The following RADIL variants were observed in gnomAD, a reference collection of about 807,000 sequenced individuals.
RADIL encodes the protein Rap associating with DIL domain.
Under a neutral mutation model 97.6 loss-of-function variants are expected in RADIL, and 99 were observed. That is an observed-to-expected ratio of 1.01 (90% CI 0.86 to 1.20). The LOEUF (loss-of-function observed/expected upper bound fraction) is 1.20. RADIL is among the 50% of genes most tolerant of loss of function. The pLI is 0.00. For missense variants in RADIL, 1,765 were observed against 1,498.9 expected (o/e 1.18, Z -2.93); for synonymous variants, 803 against 691.8 (o/e 1.16, Z -2.52).
At chr7:4,808,883 C>G (rs1583269074) in intron 9 of RADIL, 28 of 931,544 alleles carry the variant, frequency 3.0e-5, no homozygotes, top group Non-Finnish European at 3.5e-5. Flanking sequence ...CCTTCCAACG[C>G]CACTGCCCCC....
intron 2 of RADIL, among the ~76,000 whole-genome samples, chr7:4,868,304 C>T (rs553975427): frequency 5.3e-5 from 8 of 152,308 alleles, no homozygotes; most frequent in African/African-American, 1.4e-4. Flanking sequence ...CCTCGTGATC[C>T]GCCCGCCTCG....
chr7:4,875,870 T>A (rs530179377), intron 2 of RADIL, among the ~76,000 whole-genome samples: 16 of 151,970 alleles, frequency 1.1e-4, no homozygotes, highest in Middle Eastern at 6.8e-3. Context: ...CATGGCAGGG[T>A]CAGGATGAAA....
intron 2 of RADIL, among the ~76,000 whole-genome samples, chr7:4,870,523 G>C (rs1412458650): frequency 2.0e-5 from 3 of 152,052 alleles, no homozygotes. Context: ...CTCATTGCAA[G>C]CTCCACCTCC....
chr7:4,815,406 A>G lies in RADIL; in HGVS notation c.2011T>C (p.Cys671Arg), dbSNP rs1224941882. 3 of 1,560,622 alleles carry G rather than the reference A, an allele frequency of 1.9e-6. No individual in the cohort carries two copies. The highest frequency in any genetic ancestry group is 2.6e-6 in the Non-Finnish European group (3 of 1,151,980). Residue 671 changes from cysteine (C) to arginine (R), a missense_variant, in exon 9 of 15, where the codon TGC becomes CGC. Physicochemically the swap from Cys to Arg is radical, Grantham distance 180. Transcript: ENST00000399583. The surrounding 1 kb of genome is among the most constrained non-coding windows in gnomAD (Gnocchi z 8.0). ...TCCAGGAGCTGCTGCAGGCGGGCGC[A>G]GGCCTGGACACCTCTGGGCCAGTGG... is the stretch of plus-strand genomic sequence containing the variant. ...CFHWPRGVQA[C>R]ARLQQLLEWM...
In RADIL at chr7:4,873,040, C is replaced by T. The variant is rs13244874; in HGVS notation, c.535+4565G>A. 1.1e-3 allele frequency among the ~76,000 whole-genome samples: 170 copies of T among 152,304 alleles called. 1 individual carries two copies. Among genetic ancestry groups the T allele is most frequent in the Non-Finnish European group, 2.1e-3 (144 of 68,016 alleles). On this transcript the variant is annotated intron_variant, in intron 2 of 14. Transcript: ENST00000399583. This position sits in a 1 kb window ranked among gnomAD's most constrained non-coding sequence, Gnocchi z 4.3. ...GCAACCTCCGCCTCCTGGGTTCAAG[C>T]GATTCTCTGCCTCCCAAGTAGCTGG...
rs1783252018 is a variant in RADIL, at chr7:4,834,902, GC to G, written c.1120del (p.Ala374LeufsTer49). The G allele has an allele frequency of 1.3e-6, 2 of 1,514,942 alleles. No homozygotes were observed. The highest frequency in any genetic ancestry group is 2.1e-5 in the Admixed American group (1 of 48,110). The allele number at this position is 1,514,942 out of a possible 1,614,324, so 93.8% of individuals were successfully genotyped here. On this transcript the variant is annotated frameshift_variant, in exon 4 of 15. Transcript: ENST00000399583. LOFTEE classifies it high-confidence loss of function. This position sits in a 1 kb window ranked among gnomAD's most constrained non-coding sequence, Gnocchi z 6.0. ...LPARALARLRAVPQSCRLCGA... is the reference protein window; with the variant it reads ...LPARALARLRXVPQSCRLCGA... ...GCACAGCCGGCAGCTCTGCGGCACAGCCCGGAGGCGCGCCAAGGCCCGGGCG... is the reference window on the plus strand; with the variant it reads ...GCACAGCCGGCAGCTCTGCGGCACAGCCGGAGGCGCGCCAAGGCCCGGGCG...
In RADIL at chr7:4,880,957, G is replaced by C. The variant is rs937264122; in HGVS notation, c.-65+2639C>G. 2.0e-5 allele frequency among the ~76,000 whole-genome samples: 3 copies of C among 152,052 alleles called. No individual in the cohort carries two copies. The highest frequency in any genetic ancestry group is 1.3e-4 in the Admixed American group (2 of 15,268). On this transcript the variant is annotated intron_variant, in intron 1 of 14. Coordinates refer to ENST00000399583, the MANE Select transcript of RADIL (RefSeq NM_018059.5). This position sits in a 1 kb window ranked among gnomAD's most constrained non-coding sequence, Gnocchi z 4.5. Reference sequence around the variant, plus strand: ...TACAGAAAATAAAAATAAAAAATTAGCTGGGCATGGTGTGCACCTGTAGTC... The same window carrying C: ...TACAGAAAATAAAAATAAAAAATTACCTGGGCATGGTGTGCACCTGTAGTC...
chr7:4,820,907 G>A (rs1346696079), intron 6 of RADIL, among the ~76,000 whole-genome samples: 1 of 152,154 alleles, frequency 6.6e-6, no homozygotes, highest in East Asian at 1.9e-4. Context: ...CTCCTCTCAG[G>A]AAACCTGCCC....
rs1428520882 is a variant in RADIL, at chr7:4,837,243, C to CG, written c.536-639dup. Among the ~76,000 whole-genome samples, 2 of 152,200 alleles carry CG rather than the reference C, an allele frequency of 1.3e-5. No homozygotes were observed. The highest frequency in any genetic ancestry group is 4.8e-5 in the African/African-American group (2 of 41,456). On this transcript the variant is annotated intron_variant, in intron 2 of 14. Transcript: ENST00000399583. This position sits in a 1 kb window ranked among gnomAD's most constrained non-coding sequence, Gnocchi z 5.6. Reference sequence around the variant, plus strand: ...CGGCCTGCCCGACCAGCCAGCACCACGGCCCACAGGCCTCAAACCACAGAC... The same window carrying CG: ...CGGCCTGCCCGACCAGCCAGCACCACGGGCCCACAGGCCTCAAACCACAGAC...
chr7:4,847,214 A>G (rs1008666011), intron 2 of RADIL, among the ~76,000 whole-genome samples: 2 of 152,104 alleles, frequency 1.3e-5, no homozygotes, highest in Non-Finnish European at 2.9e-5. Flanking sequence ...CCAGCTGCTC[A>G]TGAGGCTGAG....
rs1442251260 is a variant in RADIL at position 4,817,243 on chromosome 7, G to C, written c.1724C>G (p.Ser575Cys). The change falls in exon 7 of 15, where the codon TCC becomes TGC. Residue 575 changes from serine to cysteine, a missense_variant. Transcript: ENST00000399583. This position sits in a 1 kb window ranked among gnomAD's most constrained non-coding sequence, Gnocchi z 8.3. ...AAGCAGAGCCCGTCCGTGCACCTTG[G>C]AGACATAGTAGACGCACTGCTGGAA... ...YAFQQCVYYV[S>C]KSLYICLPAL... 7 of 1,611,242 alleles carry C rather than the reference G, an allele frequency of 4.3e-6. No homozygotes were observed. Among genetic ancestry groups the C allele is most frequent in the Non-Finnish European group, 5.9e-6 (7 of 1,178,754 alleles).
intron 2 of RADIL, among the ~76,000 whole-genome samples, chr7:4,865,115 G>A (rs114280387): frequency 0.016 from 2,493 of 152,234 alleles, 21 homozygotes; most frequent in Middle Eastern, 0.031. Flanking sequence ...CTGCCCCACC[G>A]ACTGCCCACT....
intron 2 of RADIL, chr7:4,865,858 T>G (rs1197791855): frequency 1.5e-6 from 1 of 683,460 alleles, no homozygotes; most frequent in Non-Finnish European, 2.6e-6. Flanking sequence ...TGTTGAGATA[T>G]GTTTAGACAC....
chr7:4,800,357 C>G, intron 12 of RADIL, 47 bp from the exon 13 acceptor site: 1 of 1,412,898 alleles, frequency 7.1e-7, no homozygotes, highest in Non-Finnish European at 9.2e-7. Flanking sequence ...CGCCAGGAAT[C>G]ACGACGAGGA....
At position 4,834,508 on chromosome 7, in the gene RADIL, C is replaced by T. The variant is rs982666310; in HGVS notation, c.1416+99G>A. ...CTCAGCAGCACAGCACCGTGGGGGT[C>T]AGATAGAGGCGCTCCCGCCTCCCAG... On this transcript the variant is annotated intron_variant, in intron 4 of 14. Coordinates refer to ENST00000399583, the MANE Select transcript of RADIL (RefSeq NM_018059.5). The surrounding 1 kb of genome is among the most constrained non-coding windows in gnomAD (Gnocchi z 6.0). The T allele has an allele frequency of 2.5e-6, 3 of 1,218,816 alleles. No individual in the cohort carries two copies. The African/African-American group carries it at 4.7e-5, about 19-fold the overall frequency. The allele number at this position is 1,218,816 out of a possible 1,614,324, so 75.5% of individuals were successfully genotyped here.
chr7:4,803,302 T>G (rs190991422), intron 11 of RADIL, among the ~76,000 whole-genome samples: 62 of 43,044 alleles, frequency 1.4e-3, no homozygotes, highest in Non-Finnish European at 1.4e-3. Flanking sequence ...GCTGGCTGGG[T>G]GGCCCCCTCC....
intron 2 of RADIL, chr7:4,857,742 T>C (rs545943331): frequency 1.3e-5 from 2 of 152,626 alleles, no homozygotes; most frequent in Admixed American, 6.6e-5. Context: ...CTTTGCTTGT[T>C]TGCCATTTAT....
Position 4,805,594 on chromosome 7 carries a change from G to C in RADIL, c.2262C>G (p.Ala754=). The change falls in exon 10 of 15, where the codon GCC becomes GCG. Residue 754 remains alanine, a synonymous_variant. Transcript: ENST00000399583. ...ACCTGAAGGCCTCGGGGCTGTCCTG[G>C]GCCCCTGGCTCCCAGGTGCTCATGG... ...MGPMSTWEPG[A]QDSPEAFRSE... 9 of 1,611,314 alleles carry C rather than the reference G, an allele frequency of 5.6e-6. No homozygotes were observed. Among genetic ancestry groups the C allele is most frequent in the Non-Finnish European group, 7.6e-6 (9 of 1,179,402 alleles).
rs141329659 is a variant in RADIL at position 4,824,694 on chromosome 7, G to A, written c.1455-2140C>T. On this transcript the variant is annotated intron_variant, in intron 5 of 14. Transcript: ENST00000399583. This position sits in a 1 kb window ranked among gnomAD's most constrained non-coding sequence, Gnocchi z 6.7. ...TGGCGGCTAAGCAGGTCCGCTGCCTGCTCATGTGTCTGGCACAGCTCAAAG... is the reference window on the plus strand; with the variant it reads ...TGGCGGCTAAGCAGGTCCGCTGCCTACTCATGTGTCTGGCACAGCTCAAAG... 2.7e-3 allele frequency among the ~76,000 whole-genome samples: 406 copies of A among 152,338 alleles called. 1 individual carries two copies. The highest frequency in any genetic ancestry group is 9.3e-3 in the African/African-American group (388 of 41,578).
Sources: allele counts gnomAD v4.1 joint callset (sites outside exome capture counted in the v4.1 genomes callset), GRCh38; gene constraint gnomAD v4.1.1; non-coding constraint Gnocchi (gnomAD v3.1); transcripts MANE v1.5; gene names NCBI Gene and HGNC (gene_info 2026-07-23, HGNC 2026-07-21).